Variants in ATP5PF observed in about 807,000 individuals in gnomAD.
The protein encoded by ATP5PF is ATP synthase peripheral stalk subunit F6, mitochondrial.
ATP5PF carries 7 observed loss-of-function variants against 12.0 expected under a neutral mutation model. That is an observed-to-expected ratio of 0.58 (90% confidence interval 0.33 to 1.10). The LOEUF is 1.10. Ranked by LOEUF, ATP5PF falls within the 50% of genes least tolerant of loss-of-function variation. The pLI, the probability that ATP5PF is intolerant of heterozygous loss-of-function variation, is 0.03. For synonymous variants in ATP5PF, 41 were observed against 45.4 expected (o/e 0.90, Z 0.39); for missense variants, 120 against 127.7 (o/e 0.94, Z 0.29).
chr21:25,735,016 T>G, upstream of ATP5PF: 1 of 1,529,008 alleles, frequency 6.5e-7, no homozygotes, highest in African/African-American at 1.4e-5. Context: ...GGAGACAGTC[T>G]GCGACCGGAC....
chr21:25,724,812 ATAGC>A, intron 3 of ATP5PF, 135 bp from the exon 4 acceptor site: 1 of 857,478 alleles, frequency 1.2e-6, no homozygotes, highest in Non-Finnish European at 1.8e-6. Flanking sequence ...ACATAGAAAT[ATAGC>A]TAAACATTTA....
chr21:25,728,102 A>G (rs182076420), intron 2 of ATP5PF, among the ~76,000 whole-genome samples: 1 of 152,270 alleles, frequency 6.6e-6, no homozygotes, highest in Non-Finnish European at 1.5e-5. Flanking sequence ...TCACTTTTAC[A>G]TTACCACTGC....
At chr21:25,735,001 GTC>G (rs1223665972), upstream of ATP5PF, 37 of 1,545,876 alleles carry the variant, frequency 2.4e-5, no homozygotes, top group Non-Finnish European at 3.1e-5. Context: ...GACAGGAAGC[GTC>G]TCGGAGACAG....
intron 1 of ATP5PF, chr21:25,734,393 A>G: frequency 1.0e-6 from 1 of 992,156 alleles, no homozygotes; most frequent in Non-Finnish European, 1.2e-6. Context: ...CAATCCATAA[A>G]GTCGCCTAAT....
chr21:25,734,670 C>T, intron 1 of ATP5PF, 183 bp downstream of exon 1: 3 of 583,776 alleles, frequency 5.1e-6, no homozygotes, highest in South Asian at 2.9e-5. Flanking sequence ...TCTGGGTCTA[C>T]GGCAAACTCC....
At chr21:25,735,047 C>T, upstream of ATP5PF, 1 of 1,347,650 alleles carries the variant, frequency 7.4e-7, no homozygotes, top group South Asian at 1.2e-5. Flanking sequence ...GAGACAGAAG[C>T]CAAACAGGAG....
Position 25,729,744 on chromosome 21 carries a change from G to A in ATP5PF, c.51C>T (p.Val17=). The part of the protein sequence containing the change: ...FRFSSVIRSA[V]SVHLRRNIGV... ...CAATGTTCCTCCGCAAATGGACTGA[G>A]ACGGCTGACCGAATGACAGAGGAGA... is the stretch of plus-strand genomic sequence containing the variant. The change falls in exon 2 of 4, where the codon GTC becomes GTT. Residue 17 remains valine (V), a synonymous_variant. Transcript: ENST00000284971. 2 of 1,613,940 alleles carry A rather than the reference G, an allele frequency of 1.2e-6. No homozygotes were observed. Among genetic ancestry groups the A allele is most frequent in the East Asian group, 2.2e-5 (1 of 44,874 alleles).
chr21:25,732,991 A>AG (rs1297355985), intron 1 of ATP5PF, among the ~76,000 whole-genome samples: 3 of 149,564 alleles, frequency 2.0e-5, no homozygotes, highest in Non-Finnish European at 4.5e-5. Flanking sequence ...GTCTCAAAAA[A>AG]AAAAAAAAAA....
At chr21:25,725,004 G>A (rs557568401) in intron 3 of ATP5PF, 4 of 633,142 alleles carry the variant, frequency 6.3e-6, no homozygotes, top group Non-Finnish European at 1.0e-5. Flanking sequence ...AGATTGGGCA[G>A]TTCGATTTCA....
At chr21:25,725,708 G>A (rs894806145) in intron 2 of ATP5PF, among the ~76,000 whole-genome samples, 1 of 152,146 alleles carries the variant, frequency 6.6e-6, no homozygotes, top group African/African-American at 2.4e-5. Flanking sequence ...ATAAGTGCTC[G>A]GATTACAGGC....
At chr21:25,734,697 G>A in intron 1 of ATP5PF, 156 bp downstream of exon 1, 2 of 706,642 alleles carry the variant, frequency 2.8e-6, no homozygotes, top group East Asian at 2.8e-5. Flanking sequence ...TACAAACGTA[G>A]AGGTCAGCTG....
At chr21:25,729,091 CAG>C (rs2034690663) in intron 2 of ATP5PF, among the ~76,000 whole-genome samples, 2 of 152,104 alleles carry the variant, frequency 1.3e-5, no homozygotes, top group African/African-American at 2.4e-5. Flanking sequence ...TATGTCATTT[CAG>C]AGTCTTTTGT....
chr21:25,734,500 T>A, intron 1 of ATP5PF: 1 of 688,908 alleles, frequency 1.5e-6, no homozygotes, highest in Non-Finnish European at 1.9e-6. Flanking sequence ...CTAAGTAGCC[T>A]AGACGCTCCC....
chr21:25,729,829 G>C (rs371403516), intron 1 of ATP5PF, 28 bp from the exon 2 acceptor site: 4 of 1,600,856 alleles, frequency 2.5e-6, no homozygotes, highest in Non-Finnish European at 3.4e-6. Context: ...CAGCAGAAAC[G>C]TTAATATACT....
At chr21:25,725,033 A>G in intron 3 of ATP5PF, 193 bp downstream of exon 3, 1 of 703,678 alleles carries the variant, frequency 1.4e-6, no homozygotes, top group Non-Finnish European at 2.2e-6. Flanking sequence ...CCATTTAATC[A>G]CTATGTTATG....
intron 1 of ATP5PF, among the ~76,000 whole-genome samples, chr21:25,733,296 G>A (rs528956212): frequency 6.6e-5 from 10 of 152,232 alleles, no homozygotes; most frequent in Admixed American, 2.0e-4. Context: ...TTGGGAGGCC[G>A]AGGCGGGCAG....
At chr21:25,733,140 A>G in intron 1 of ATP5PF, among the ~76,000 whole-genome samples, 1 of 152,204 alleles carries the variant, frequency 6.6e-6, no homozygotes, top group East Asian at 1.9e-4. Context: ...ATACTTGAGA[A>G]AAGGCTACAA....
chr21:25,734,220 A>C, intron 1 of ATP5PF: 1 of 662,892 alleles, frequency 1.5e-6, no homozygotes, highest in Non-Finnish European at 1.9e-6. Context: ...AGAGCATATG[A>C]TAGCGTCTGA....
upstream of ATP5PF, chr21:25,735,626 G>C (rs994379901): frequency 6.6e-6 from 1 of 152,394 alleles, no homozygotes; most frequent in African/African-American, 2.4e-5. Context: ...CTCGCGGGCC[G>C]GCCTCGTTCC....
Sources: allele counts gnomAD v4.1 joint callset (sites outside exome capture counted in the v4.1 genomes callset), GRCh38; gene constraint gnomAD v4.1.1; transcripts MANE v1.5; gene names NCBI Gene and HGNC (gene_info 2026-07-23, HGNC 2026-07-21).